RYR2: variants seen among roughly 807,000 people sequenced by gnomAD.
RYR2 encodes the protein ryanodine receptor 2.
Under a neutral mutation model 601.1 loss-of-function variants are expected in RYR2, and 227 were observed. The ratio of observed to expected loss-of-function variants is 0.38; its 90% CI spans 0.34 to 0.42. The LOEUF is 0.42. Ranked by LOEUF, RYR2 falls within the 10% of genes least tolerant of loss-of-function variation. The pLI, the probability that RYR2 is intolerant of heterozygous loss-of-function variation, is 1.00. For synonymous variants in RYR2, 2,223 were observed against 2,175.1 expected (o/e 1.02, Z -0.61); for missense variants, 4,646 against 6,156.5 (o/e 0.75, Z 8.21).
At chr1:237,713,775 T>C (rs1689034553) in intron 71 of RYR2, among the ~76,000 whole-genome samples, 2 of 152,188 alleles carry the variant, frequency 1.3e-5, no homozygotes, top group African/African-American at 4.8e-5. Context: ...TGTTTATTTG[T>C]GGGTGTGAGA....
intron 55 of RYR2, 142 bp from the exon 56 acceptor site, chr1:237,660,668 A>G (rs1683697294): frequency 1.4e-6 from 1 of 706,686 alleles, no homozygotes; most frequent in Non-Finnish European, 2.1e-6. Context: ...TCAGAATTTT[A>G]CTTTCCTTTT....
chr1:237,361,991 G>A (rs928893364), intron 4 of RYR2, among the ~76,000 whole-genome samples: 4 of 152,134 alleles, frequency 2.6e-5, no homozygotes, highest in Non-Finnish European at 5.9e-5. Flanking sequence ...AGATGATTCT[G>A]CTTCTTTTTG....
intron 34 of RYR2, 105 bp from the exon 35 acceptor site, chr1:237,601,920 C>A: frequency 1.2e-6 from 1 of 866,404 alleles, no homozygotes; most frequent in Non-Finnish European, 1.8e-6. Context: ...AAAGGAAAAT[C>A]TCTGGGCTCC....
Position 237,322,821 on chromosome 1 carries a change from C to CGTGTGT in RYR2, c.169-8035_169-8030dup, listed in dbSNP as rs113420477. Among the ~76,000 whole-genome samples the CGTGTGT allele has an allele frequency of 6.6e-3, 939 of 143,130 alleles. 4 individuals carry two copies. The highest frequency in any genetic ancestry group is 0.031 in the East Asian group (150 of 4,860). The allele number at this position is 143,130 out of a possible 152,430, so 93.9% of individuals were successfully genotyped here. A position where few individuals can be genotyped will look rare whatever the true frequency, so the allele number is the denominator to read the frequency against. ...CCTACATACGTAATAAACACACACA[C>CGTGTGT]GTGTGTGTGTGTGTGTGTGTGTGTG... On this transcript the variant is annotated intron_variant, in intron 2 of 104. Coordinates refer to ENST00000366574, the MANE Select transcript of RYR2 (RefSeq NM_001035.3).
At chr1:237,161,271 C>T (rs1236162039) in intron 1 of RYR2, among the ~76,000 whole-genome samples, 1 of 151,982 alleles carries the variant, frequency 6.6e-6, no homozygotes, top group African/African-American at 2.4e-5. Context: ...AATGATAATT[C>T]CAAAGATTTA....
intron 16 of RYR2, among the ~76,000 whole-genome samples, chr1:237,466,047 C>T (rs2150284827): frequency 6.6e-6 from 1 of 152,038 alleles, no homozygotes; most frequent in South Asian, 2.1e-4. Context: ...AGATGTTTTC[C>T]CTTCTATTGC....
At position 237,697,330 on chromosome 1, in the gene RYR2, G is replaced by GTA. The variant is rs1241068525; in HGVS notation, c.9068-1624_9068-1623dup. On this transcript the variant is annotated intron_variant, in intron 63 of 104. Coordinates refer to ENST00000366574, the MANE Select transcript of RYR2 (RefSeq NM_001035.3). ...AGTTTCTGTAGGTGTGTGTGTGTGT[G>GTA]TATATATATATAGTATATATATATA... Among the ~76,000 whole-genome samples the GTA allele has an allele frequency of 6.2e-3, 877 of 141,730 alleles. 4 individuals are homozygous for GTA. Among genetic ancestry groups the GTA allele is most frequent in the Non-Finnish European group, 9.0e-3 (591 of 65,812 alleles). The allele number at this position is 141,730 out of a possible 152,430, so 93.0% of individuals were successfully genotyped here.
At chr1:237,110,278 C>CT (rs1669309367) in intron 1 of RYR2, among the ~76,000 whole-genome samples, 1 of 146,376 alleles carries the variant, frequency 6.8e-6, no homozygotes, top group African/African-American at 2.5e-5. Flanking sequence ...TTTTTTTTTT[C>CT]TTTTTTTAAA....
chr1:237,656,836 A>C (rs1053611318), intron 53 of RYR2, among the ~76,000 whole-genome samples: 1 of 152,148 alleles, frequency 6.6e-6, no homozygotes, highest in African/African-American at 2.4e-5. Context: ...TTAAATTTGC[A>C]TGTTTGGTCT....
At chr1:237,261,866 A>G (rs1249320089) in intron 1 of RYR2, among the ~76,000 whole-genome samples, 1 of 152,008 alleles carries the variant, frequency 6.6e-6, no homozygotes, top group African/African-American at 2.4e-5. Flanking sequence ...CCCTTATACT[A>G]TTCTTTTTTT....
chr1:237,575,617 A>G (rs1239786169), intron 29 of RYR2, among the ~76,000 whole-genome samples: 1 of 152,156 alleles, frequency 6.6e-6, no homozygotes, highest in African/African-American at 2.4e-5. Context: ...TGTAACAATA[A>G]GAAGGAATTA....
intron 3 of RYR2, chr1:237,352,994 G>T (rs1698991088): frequency 2.5e-6 from 1 of 392,628 alleles, no homozygotes; most frequent in Non-Finnish European, 5.2e-6. Flanking sequence ...AGTAGCTTTA[G>T]TAGCTTCGTG....
chr1:237,100,880 C>T (rs1408850716), intron 1 of RYR2, among the ~76,000 whole-genome samples: 1 of 152,078 alleles, frequency 6.6e-6, no homozygotes, highest in African/African-American at 2.4e-5. Context: ...CCCTTCTGCC[C>T]TGGTCTCTTT....
chr1:237,285,824 T>C (rs1691499545), intron 2 of RYR2, among the ~76,000 whole-genome samples: 1 of 152,190 alleles, frequency 6.6e-6, no homozygotes, highest in South Asian at 2.1e-4. Context: ...AAGATGTTCA[T>C]AGCAGCCTTG....
At chr1:237,609,934 G>A in intron 35 of RYR2, among the ~76,000 whole-genome samples, 1 of 142,218 alleles carries the variant, frequency 7.0e-6, no homozygotes, top group East Asian at 2.0e-4. Flanking sequence ...ACCAGTACTT[G>A]GTTTTTCCCC....
chr1:237,722,209 C>T (rs1269571021), intron 73 of RYR2, among the ~76,000 whole-genome samples: 1 of 151,948 alleles, frequency 6.6e-6, no homozygotes, highest in Admixed American at 6.6e-5. Flanking sequence ...GTAGCCTTAC[C>T]CATTTTGTTT....
intron 98 of RYR2, chr1:237,802,240 AAG>A (rs780597461): frequency 4.2e-4 from 78 of 183,656 alleles, no homozygotes; most frequent in Non-Finnish European, 7.2e-4. Context: ...ATAATTTTAA[AAG>A]AACATTAATT....
At chr1:237,780,227 T>TGTC (rs1351632894) in intron 88 of RYR2, among the ~76,000 whole-genome samples, 8 of 152,336 alleles carry the variant, frequency 5.3e-5, no homozygotes, top group African/African-American at 1.7e-4. Context: ...AAGGAGAGAA[T>TGTC]GTCAGTATGG....
chr1:237,044,242 A>G (rs1406413), intron 1 of RYR2, among the ~76,000 whole-genome samples: 128,020 of 151,994 alleles, frequency 0.84, 54,283 homozygotes, highest in African/African-American at 0.9. Flanking sequence ...ACTAAGGACT[A>G]TTTTATTCAG....
Sources: allele counts gnomAD v4.1 joint callset (sites outside exome capture counted in the v4.1 genomes callset), GRCh38; gene constraint gnomAD v4.1.1; transcripts MANE v1.5; gene names NCBI Gene and HGNC (gene_info 2026-07-23, HGNC 2026-07-21).